DSTYK: variants seen among roughly 807,000 people sequenced by gnomAD.
The protein encoded by DSTYK is dual serine/threonine and tyrosine protein kinase.
DSTYK carries 34 observed loss-of-function variants against 98.7 expected under a neutral mutation model. The ratio of observed to expected loss-of-function variants is 0.34; its 90% CI spans 0.26 to 0.46. The LOEUF is 0.46. Among genes scored for constraint, DSTYK ranks in the 20% least tolerant of loss-of-function variants. DSTYK has a pLI of 1.00. For synonymous variants in DSTYK, 462 were observed against 457.3 expected, an observed-to-expected ratio of 1.01 and a Z score of -0.13; for missense variants, 962 against 1,181.7, an observed-to-expected ratio of 0.81 and a Z score of 2.73.
intron 2 of DSTYK, among the ~76,000 whole-genome samples, chr1:205,185,765 T>C (rs1658543349): frequency 6.6e-6 from 1 of 152,230 alleles, no homozygotes; most frequent in Non-Finnish European, 1.5e-5. Flanking sequence ...GGCTCACGCC[T>C]GTAATCCCAG....
rs530781873 is a variant in DSTYK, at chr1:205,145,344, G to A, written c.*2214C>T. 1.4e-4 allele frequency: 21 copies of A among 148,956 alleles called. No homozygotes were observed. Among genetic ancestry groups the A allele is most frequent in the South Asian group, 1.1e-3 (5 of 4,386 alleles). 9.2% of individuals were successfully genotyped at this position (148,956 alleles called of 1,614,324 possible). On this transcript the variant is annotated 3_prime_UTR_variant, in exon 13 of 13. Coordinates refer to ENST00000367162, the MANE Select transcript of DSTYK (RefSeq NM_015375.3). ...ATTTCTGAAAGGCTCCAAGAGTTTAGGGAGCTACTATGCTCAAACATATCA... is the reference window on the plus strand; with the variant it reads ...ATTTCTGAAAGGCTCCAAGAGTTTAAGGAGCTACTATGCTCAAACATATCA...
At chr1:205,174,858 G>A (rs1432753076) in intron 2 of DSTYK, among the ~76,000 whole-genome samples, 9 of 136,564 alleles carry the variant, frequency 6.6e-5, no homozygotes, top group South Asian at 2.5e-4. Flanking sequence ...CTGCCTCAGC[G>A]TCTCGAGTAG....
intron 2 of DSTYK, among the ~76,000 whole-genome samples, chr1:205,185,067 G>A (rs931204442): frequency 2.0e-5 from 3 of 152,048 alleles, no homozygotes; most frequent in South Asian, 2.1e-4. Context: ...TGGGCGTGGT[G>A]GCACACACCT....
intron 1 of DSTYK, among the ~76,000 whole-genome samples, chr1:205,207,790 A>G (rs1407807121): frequency 1.5e-5 from 2 of 129,956 alleles, no homozygotes; most frequent in Non-Finnish European, 3.3e-5. Context: ...AAAAAAAAAA[A>G]AAAGAAAAAA....
chr1:205,196,583 C>A (rs992840243), intron 1 of DSTYK, among the ~76,000 whole-genome samples: 4 of 151,878 alleles, frequency 2.6e-5, no homozygotes, highest in Non-Finnish European at 4.4e-5. Flanking sequence ...AACAAAAAAA[C>A]CCCATCACTG....
chr1:205,202,117 G>GAGGAA, intron 1 of DSTYK: 1 of 449,464 alleles, frequency 2.2e-6, no homozygotes, highest in South Asian at 1.7e-5. Context: ...GAAGGGAGAA[G>GAGGAA]GGGAAGGGAA....
At chr1:205,148,699 A>G (rs968789348) in intron 11 of DSTYK, among the ~76,000 whole-genome samples, 1 of 152,170 alleles carries the variant, frequency 6.6e-6, no homozygotes, top group Non-Finnish European at 1.5e-5. Flanking sequence ...ACCAGAATAT[A>G]ATAATTTTTA....
intron 2 of DSTYK, among the ~76,000 whole-genome samples, chr1:205,174,739 A>AT (rs201713692): frequency 0.49 from 64,353 of 131,918 alleles, 18,675 homozygotes; most frequent in Non-Finnish European, 0.63. Context: ...TTTATTTTTA[A>AT]TTTTTTTTTT....
At chr1:205,190,620 A>AG in intron 1 of DSTYK, among the ~76,000 whole-genome samples, 1 of 150,704 alleles carries the variant, frequency 6.6e-6, no homozygotes, top group Non-Finnish European at 1.5e-5. Flanking sequence ...CATCTCAAAA[A>AG]AAAAAAAAAA....
intron 2 of DSTYK, among the ~76,000 whole-genome samples, chr1:205,180,438 T>G (rs1053126676): frequency 4.6e-5 from 7 of 152,194 alleles, no homozygotes; most frequent in Non-Finnish European, 2.9e-5. Context: ...GCAAAGGACA[T>G]GAACTCATTC....
Position 205,144,190 on chromosome 1 carries a change from T to G in DSTYK, c.*3368A>C, listed in dbSNP as rs991681038. 1 of 152,238 alleles carries G rather than the reference T, an allele frequency of 6.6e-6. No homozygotes were observed. The highest frequency in any genetic ancestry group is 2.4e-5 in the African/African-American group (1 of 41,446). The allele number at this position is 152,238 out of a possible 1,614,324, so 9.4% of individuals were successfully genotyped here. A position where few individuals can be genotyped will look rare whatever the true frequency, so the allele number is the denominator to read the frequency against. On this transcript the variant is annotated 3_prime_UTR_variant, in exon 13 of 13. Coordinates refer to ENST00000367162, the MANE Select transcript of DSTYK (RefSeq NM_015375.3). The stretch of plus-strand genomic sequence containing the variant: ...CCTCTCACTCATTTCTGAAACAAAA[T>G]GAGAGACCAGACTTCAAGCTCTGGC...
At chr1:205,159,086 A>T (rs921494091) in intron 9 of DSTYK, among the ~76,000 whole-genome samples, 5 of 151,528 alleles carry the variant, frequency 3.3e-5, no homozygotes, top group South Asian at 2.1e-4. Context: ...AATCTTTAAA[A>T]ATTTTTTTTT....
At chr1:205,162,357 C>T (rs1657753695) in intron 5 of DSTYK, 145 bp from the exon 6 acceptor site, 2 of 945,240 alleles carry the variant, frequency 2.1e-6, no homozygotes, top group Admixed American at 3.0e-5. Flanking sequence ...AGTTCCTTTC[C>T]AATTCCATCT....
chr1:205,197,714 A>C (rs894652601), intron 1 of DSTYK, among the ~76,000 whole-genome samples: 1 of 152,142 alleles, frequency 6.6e-6, no homozygotes, highest in Non-Finnish European at 1.5e-5. Flanking sequence ...CCATCCCATC[A>C]ATCTTCCTGT....
intron 10 of DSTYK, among the ~76,000 whole-genome samples, chr1:205,153,908 T>C (rs1434278872): frequency 1.4e-5 from 2 of 146,850 alleles, no homozygotes; most frequent in African/African-American, 5.0e-5. Context: ...GAGACAGGGT[T>C]TTACCATGTT....
At chr1:205,159,748 A>G in intron 8 of DSTYK, 69 bp from the exon 9 acceptor site, 2 of 1,591,088 alleles carry the variant, frequency 1.3e-6, no homozygotes, top group Non-Finnish European at 1.7e-6. Flanking sequence ...GCCACAATGT[A>G]TGAGACAATA....
At chr1:205,184,417 T>A (rs1384726436) in intron 2 of DSTYK, among the ~76,000 whole-genome samples, 1 of 151,588 alleles carries the variant, frequency 6.6e-6, no homozygotes. Flanking sequence ...ACTAAAAATA[T>A]AAAAATTAGT....
At chr1:205,200,182 G>T (rs562818748) in intron 1 of DSTYK, among the ~76,000 whole-genome samples, 25 of 151,950 alleles carry the variant, frequency 1.6e-4, no homozygotes, top group African/African-American at 6.0e-4. Flanking sequence ...GATTACAGGC[G>T]CCTACCACCG....
intron 2 of DSTYK, among the ~76,000 whole-genome samples, chr1:205,180,172 C>T (rs919043399): frequency 6.6e-6 from 1 of 151,124 alleles, no homozygotes; most frequent in African/African-American, 2.4e-5. Flanking sequence ...AGGTTTGTTA[C>T]ATAGGTATGG....
Sources: allele counts gnomAD v4.1 joint callset (sites outside exome capture counted in the v4.1 genomes callset), GRCh38; gene constraint gnomAD v4.1.1; transcripts MANE v1.5; gene names NCBI Gene and HGNC (gene_info 2026-07-23, HGNC 2026-07-21).